Variants in PALLD observed in about 807,000 individuals in gnomAD.
The protein encoded by PALLD is palladin, cytoskeletal associated protein, also known as palladin.
PALLD carries 61 observed loss-of-function variants against 123.5 expected under a neutral mutation model. That is an observed-to-expected ratio of 0.49 (90% confidence interval 0.40 to 0.61). The LOEUF (loss-of-function observed/expected upper bound fraction) is 0.61. Among genes scored for constraint, PALLD ranks in the 20% least tolerant of loss-of-function variants. The probability of loss-of-function intolerance (pLI) is 0.00; values close to 1 mark genes in which losing one functional copy is unlikely to be tolerated. For missense variants in PALLD, 1,273 were observed against 1,377.0 expected, an observed-to-expected ratio of 0.92 and a Z score of 1.20; for synonymous variants, 465 against 496.4, an observed-to-expected ratio of 0.94 and a Z score of 0.84.
chr4:168,839,208 C>T (rs1043472232), intron 10 of PALLD, among the ~76,000 whole-genome samples: 1 of 152,168 alleles, frequency 6.6e-6, no homozygotes, highest in Non-Finnish European at 1.5e-5. Context: ...ACCTCTCAGC[C>T]TCCCAAAGTG....
At chr4:168,578,291 A>G (rs959349692) in intron 2 of PALLD, among the ~76,000 whole-genome samples, 2 of 151,478 alleles carry the variant, frequency 1.3e-5, no homozygotes, top group African/African-American at 4.9e-5. Flanking sequence ...CCTAACGCTC[A>G]TCTTGAATTG....
At chr4:168,673,074 A>G (rs574156393) in intron 3 of PALLD, among the ~76,000 whole-genome samples, 2 of 152,310 alleles carry the variant, frequency 1.3e-5, no homozygotes, top group South Asian at 4.2e-4. Flanking sequence ...TTCAGGGCAT[A>G]TAATTGAGCA....
intron 14 of PALLD, among the ~76,000 whole-genome samples, chr4:168,899,039 C>T (rs1755870812): frequency 6.6e-6 from 1 of 152,074 alleles, no homozygotes; most frequent in African/African-American, 2.4e-5. Flanking sequence ...TTTCCAAGGT[C>T]AGAGAGCTGG....
At chr4:168,666,322 A>G (rs1254469580) in intron 2 of PALLD, among the ~76,000 whole-genome samples, 1 of 152,190 alleles carries the variant, frequency 6.6e-6, no homozygotes, top group African/African-American at 2.4e-5. Context: ...TCTAATTCAC[A>G]GACAGACTCA....
At chr4:168,879,470 T>C (rs1169163594) in intron 10 of PALLD, among the ~76,000 whole-genome samples, 1 of 152,202 alleles carries the variant, frequency 6.6e-6, no homozygotes, top group Non-Finnish European at 1.5e-5. Flanking sequence ...AGCATACTAT[T>C]GTTCAGAGAG....
chr4:168,757,858 G>A (rs1345886270), intron 10 of PALLD, among the ~76,000 whole-genome samples: 2 of 152,182 alleles, frequency 1.3e-5, no homozygotes, highest in Admixed American at 6.5e-5. Flanking sequence ...GATCACCCGA[G>A]GTCAGGAGTT....
Position 168,511,931 on chromosome 4 carries a change from C to A in PALLD, c.427C>A (p.Arg143Ser). The A allele has an allele frequency of 6.2e-7, 1 of 1,614,192 alleles. No individual in the cohort carries two copies. The stretch of plus-strand genomic sequence containing the variant: ...CCGGAGCCTCCGAAAGGCTGAAAAG[C>A]GTGGTGCAAAAACTCCCAGCACAAA... ...YIRSLRKAEKRGAKTPSTNVK... is the reference protein window; with the variant it reads ...YIRSLRKAEKSGAKTPSTNVK... Residue 143 changes from arginine to serine, a missense_variant, in exon 2 of 22, where the codon CGT becomes AGT. By Grantham distance (110) the Arg-to-Ser change is moderately radical (BLOSUM62 -1). Around this residue, in one of 2 missense-constraint regions of PALLD, gnomAD observed 944 missense variants for 954.5 expected, o/e 0.99. Transcript: ENST00000505667.
intron 18 of PALLD, among the ~76,000 whole-genome samples, chr4:168,922,901 G>T (rs1183626802): frequency 6.6e-6 from 1 of 152,212 alleles, no homozygotes; most frequent in Non-Finnish European, 1.5e-5. Flanking sequence ...AGTCTTTGGG[G>T]TCAGATCTGC....
intron 15 of PALLD, among the ~76,000 whole-genome samples, chr4:168,911,331 G>A (rs903827240): frequency 3.3e-5 from 5 of 152,066 alleles, no homozygotes; most frequent in African/African-American, 1.2e-4. Context: ...TTTTCTAACC[G>A]CATAAATGAT....
chr4:168,537,263 C>G (rs551766904), intron 2 of PALLD, among the ~76,000 whole-genome samples: 20 of 152,210 alleles, frequency 1.3e-4, no homozygotes, highest in Non-Finnish European at 2.6e-4. Flanking sequence ...CAAAAAACAG[C>G]TCTTACCTGT....
At chr4:168,877,608 T>C (rs764717912) in intron 10 of PALLD, 12 of 347,566 alleles carry the variant, frequency 3.5e-5, no homozygotes, top group Non-Finnish European at 4.7e-5. Context: ...GTTCCCTGGG[T>C]GTTCTCTGCA....
At chr4:168,778,922 G>A (rs902991392) in intron 10 of PALLD, among the ~76,000 whole-genome samples, 6 of 152,208 alleles carry the variant, frequency 3.9e-5, no homozygotes, top group Non-Finnish European at 7.3e-5. Context: ...TAGCCTTCCA[G>A]TGCTTCGGGA....
chr4:168,837,287 G>GTTTCCTTACTAAACATCA (rs1745337942), intron 10 of PALLD, among the ~76,000 whole-genome samples: 6 of 152,090 alleles, frequency 3.9e-5, no homozygotes, highest in Admixed American at 3.3e-4. Flanking sequence ...GACTGACATC[G>GTTTCCTTACTAAACATCA]TTTCCTTACT....
At chr4:168,756,962 A>T (rs1731976725) in intron 10 of PALLD, among the ~76,000 whole-genome samples, 1 of 152,248 alleles carries the variant, frequency 6.6e-6, no homozygotes, top group Admixed American at 6.5e-5. Context: ...TTTCCAGATG[A>T]GGACGATGTT....
At chr4:168,584,214 G>C (rs1237126184) in intron 2 of PALLD, among the ~76,000 whole-genome samples, 1 of 91,122 alleles carries the variant, frequency 1.1e-5, no homozygotes, top group African/African-American at 4.3e-5. Flanking sequence ...AAGACCATCA[G>C]GTTTTTTTTT....
At chr4:168,818,583 T>G (rs1742290981) in intron 10 of PALLD, among the ~76,000 whole-genome samples, 1 of 152,170 alleles carries the variant, frequency 6.6e-6, no homozygotes, top group Non-Finnish European at 1.5e-5. Flanking sequence ...AGACCCTGTC[T>G]CAAATAAATA....
rs779782884 is a variant in PALLD, at chr4:168,682,972, T to C, written c.1155-26T>C. ...AAACGAAAACAAAAAATATTCTGAC[T>C]AAACACTCACCTTCCTATTTTCCAG... On this transcript the variant is annotated intron_variant, in intron 4 of 21. Transcript: ENST00000505667. The C allele has an allele frequency of 2.3e-6, 3 of 1,329,238 alleles. No homozygotes were observed. The East Asian group carries it at 6.9e-5, about 31-fold the overall frequency. 82.3% of individuals were successfully genotyped at this position (1,329,238 alleles called of 1,614,324 possible).
At position 168,512,377 on chromosome 4, in the gene PALLD, G is replaced by A; in HGVS notation, c.873G>A (p.Glu291=). The part of the protein sequence containing the change: ...EVAEGSRVYL[E]CRVTGNPTPR... ...CAGAAGGGAGCCGAGTTTATCTGGA[G>A]TGTAGAGTCACTGGAAACCCCACTC... The change falls in exon 2 of 22, where the codon GAG becomes GAA. Residue 291 remains glutamate, a synonymous_variant. Coordinates refer to ENST00000505667, the MANE Select transcript of PALLD (RefSeq NM_001166108.2). 2 of 1,613,824 alleles carry A rather than the reference G, an allele frequency of 1.2e-6. No homozygotes were observed. Among genetic ancestry groups the A allele is most frequent in the South Asian group, 2.2e-5 (2 of 91,084 alleles).
chr4:168,645,469 G>C (rs1018691898), intron 2 of PALLD, among the ~76,000 whole-genome samples: 1 of 152,146 alleles, frequency 6.6e-6, no homozygotes, highest in Non-Finnish European at 1.5e-5. Flanking sequence ...TCAAGTAGTG[G>C]TTAAACTCTT....
Sources: gnomAD v4.1 joint callset for allele counts (sites outside exome capture counted in the v4.1 genomes callset) on GRCh38, gnomAD v4.1.1 for gene constraint, gnomAD v4.1.1 regional missense constraint, MANE v1.5 for transcripts, NCBI Gene and HGNC (gene_info 2026-07-23, HGNC 2026-07-21) for gene names.